The following XPO7 variants were observed in gnomAD, a reference collection of about 807,000 sequenced individuals.
XPO7 encodes exportin 7, also known as exportin-7.
A neutral mutation model predicts 144.3 loss-of-function variants in XPO7; 21 were observed. The ratio of observed to expected loss-of-function variants is 0.15; its 90% CI spans 0.10 to 0.21. The LOEUF is 0.21. Among genes scored for constraint, XPO7 ranks in the 10% least tolerant of loss-of-function variants. XPO7 has a pLI of 1.00. For synonymous variants in XPO7, 580 were observed against 499.6 expected, an observed-to-expected ratio of 1.16 and a Z score of -2.15; for missense variants, 808 against 1,325.8, an observed-to-expected ratio of 0.61 and a Z score of 6.06.
chr8:21,989,167 TTCAG>T, intron 16 of XPO7, 84 bp downstream of exon 16: 1 of 1,308,560 alleles, frequency 7.6e-7, no homozygotes, highest in Non-Finnish European at 1.1e-6. Flanking sequence ...CTCTTTCCAC[TTCAG>T]TTTAGCTGTA....
Position 22,004,980 on chromosome 8 carries a change from G to T in XPO7, c.3171-15G>T, listed in dbSNP as rs895338133. The T allele has an allele frequency of 4.1e-6, 6 of 1,476,270 alleles. No individual in the cohort carries two copies. The highest frequency in any genetic ancestry group is 1.2e-5 in the South Asian group (1 of 84,518). The allele number at this position is 1,476,270 out of a possible 1,614,324, so 91.4% of individuals were successfully genotyped here. A position where few individuals can be genotyped will look rare whatever the true frequency, so the allele number is the denominator to read the frequency against. Reference sequence around the variant, plus strand: ...CCCACTCTCCTCCCCCAACCCACATGCATCCTCTCTGCAGGTTCACCCAGA... The same window carrying T: ...CCCACTCTCCTCCCCCAACCCACATTCATCCTCTCTGCAGGTTCACCCAGA... On this transcript the variant is annotated splice_polypyrimidine_tract_variant and intron_variant, in intron 27 of 27. Coordinates refer to ENST00000252512, the MANE Select transcript of XPO7 (RefSeq NM_015024.5).
chr8:21,959,625 A>T (rs991997601), intron 1 of XPO7, among the ~76,000 whole-genome samples: 4 of 152,186 alleles, frequency 2.6e-5, no homozygotes, highest in East Asian at 1.9e-4. Context: ...TTATTTTTTT[A>T]AAATACCATT....
chr8:21,948,392 G>A (rs948292932), intron 1 of XPO7, among the ~76,000 whole-genome samples: 2 of 152,188 alleles, frequency 1.3e-5, no homozygotes, highest in Non-Finnish European at 2.9e-5. Flanking sequence ...CGTGGTACAG[G>A]TTTGTAGCCT....
intron 5 of XPO7, among the ~76,000 whole-genome samples, chr8:21,972,329 A>T (rs1431503115): frequency 1.3e-5 from 2 of 152,160 alleles, no homozygotes; most frequent in African/African-American, 2.4e-5. Flanking sequence ...AATACAAAAA[A>T]TTAGCCGGGC....
In XPO7 at chr8:21,966,905, G is replaced by C; in HGVS notation, c.67G>C (p.Asp23His). ...GTGCAAACAGCTGTATGAAACCACAGACACAACCACTCGACTCCAGGCAGA... is the reference window on the plus strand; with the variant it reads ...GTGCAAACAGCTGTATGAAACCACACACACAACCACTCGACTCCAGGCAGA... ...NLCKQLYETT[D>H]TTTRLQAEKA... Residue 23 changes from aspartate (D) to histidine (H), a missense_variant, in exon 2 of 28, where the codon GAC (aspartate) becomes CAC (histidine). By Grantham distance (81) the Asp-to-His change is moderately conservative. This residue lies in a region of XPO7 where 223 missense variants were observed against 368.8 expected (regional missense o/e 0.60). Transcript: ENST00000252512. 1 of 1,613,954 alleles carries C rather than the reference G, an allele frequency of 6.2e-7. No homozygotes were observed. The highest frequency in any genetic ancestry group is 1.7e-5 in the Admixed American group (1 of 60,030).
At chr8:21,982,582 T>C in intron 10 of XPO7, 58 bp from the exon 11 acceptor site, 2 of 1,493,276 alleles carry the variant, frequency 1.3e-6, no homozygotes, top group Non-Finnish European at 8.9e-7. Context: ...GTCAGTGGCA[T>C]GGGACTAACA....
intron 5 of XPO7, 141 bp from the exon 6 acceptor site, chr8:21,974,529 T>C: frequency 1.6e-6 from 1 of 614,074 alleles, no homozygotes; most frequent in Non-Finnish European, 2.8e-6. Context: ...AGATAGCGTT[T>C]CACAATAATT....
At chr8:21,928,213 C>G (rs1810526044) in intron 1 of XPO7, among the ~76,000 whole-genome samples, 1 of 152,242 alleles carries the variant, frequency 6.6e-6, no homozygotes, top group Admixed American at 6.5e-5. Flanking sequence ...TGACTTCTTT[C>G]ACTCAGCATA....
intron 1 of XPO7, among the ~76,000 whole-genome samples, chr8:21,924,604 A>G (rs1349475462): frequency 1.3e-5 from 2 of 152,164 alleles, no homozygotes; most frequent in African/African-American, 2.4e-5. Context: ...ATTTCATAAT[A>G]TGATGGAAGC....
chr8:22,004,178 C>A, intron 27 of XPO7, 148 bp downstream of exon 27: 2 of 941,586 alleles, frequency 2.1e-6, no homozygotes, highest in Non-Finnish European at 3.1e-6. Context: ...CCATGTTAAA[C>A]AGGCAAAATT....
chr8:21,933,139 C>T (rs7010882), intron 1 of XPO7, among the ~76,000 whole-genome samples: 4,668 of 132,154 alleles, frequency 0.035, 255 homozygotes, highest in African/African-American at 0.13. Context: ...CTTGCTCTGT[C>T]GCCCAGGCTG....
intron 1 of XPO7, among the ~76,000 whole-genome samples, chr8:21,938,832 C>G (rs1240612405): frequency 6.6e-6 from 1 of 151,846 alleles, no homozygotes; most frequent in Admixed American, 6.6e-5. Flanking sequence ...CTCAAGATCC[C>G]AGATTGAGAA....
chr8:21,990,500 G>C (rs1585475061), intron 17 of XPO7, 93 bp downstream of exon 17: 1 of 1,403,454 alleles, frequency 7.1e-7, no homozygotes, highest in East Asian at 2.3e-5. Flanking sequence ...GAGGTCCCGG[G>C]TATTGCTACA....
chr8:21,952,049 T>C (rs1003615669), intron 1 of XPO7, among the ~76,000 whole-genome samples: 2 of 152,180 alleles, frequency 1.3e-5, no homozygotes, highest in Non-Finnish European at 1.5e-5. Flanking sequence ...GTTACTTCTC[T>C]CCTTTCCTAG....
At chr8:21,968,233 C>T (rs1365363548) in intron 2 of XPO7, among the ~76,000 whole-genome samples, 1 of 152,078 alleles carries the variant, frequency 6.6e-6, no homozygotes, top group Non-Finnish European at 1.5e-5. Flanking sequence ...CAAAAAGTAT[C>T]CTTAAGACTG....
intron 1 of XPO7, among the ~76,000 whole-genome samples, chr8:21,934,767 A>G (rs1429791734): frequency 6.6e-6 from 1 of 152,214 alleles, no homozygotes; most frequent in Non-Finnish European, 1.5e-5. Flanking sequence ...ATGGATTGCT[A>G]TGCAGGCATT....
intron 1 of XPO7, among the ~76,000 whole-genome samples, chr8:21,946,531 G>A (rs1216788131): frequency 2.9e-5 from 3 of 102,544 alleles, no homozygotes; most frequent in Admixed American, 2.4e-4. Context: ...AAGATACCAC[G>A]AAATAACTAG....
chr8:21,955,855 A>G (rs1312734346), intron 1 of XPO7, among the ~76,000 whole-genome samples: 1 of 149,970 alleles, frequency 6.7e-6, no homozygotes, highest in Non-Finnish European at 1.5e-5. Flanking sequence ...CGGCCTCCCA[A>G]GTAGCTCGGA....
chr8:21,930,399 G>A (rs1810605175), intron 1 of XPO7, among the ~76,000 whole-genome samples: 1 of 152,108 alleles, frequency 6.6e-6, no homozygotes, highest in African/African-American at 2.4e-5. Context: ...TGCCAATAAG[G>A]GTTATAGAGT....
Sources: gnomAD v4.1 joint callset for allele counts (sites outside exome capture counted in the v4.1 genomes callset) on GRCh38, gnomAD v4.1.1 for gene constraint, gnomAD v4.1.1 regional missense constraint, MANE v1.5 for transcripts, NCBI Gene and HGNC (gene_info 2026-07-23, HGNC 2026-07-21) for gene names.